Variants in SFI1 observed in about 807,000 individuals in gnomAD.
The protein encoded by SFI1 is SFI1 centrin binding protein.
In SFI1, 195 loss-of-function variants were observed where a neutral mutation model predicts 207.5. The ratio of observed to expected loss-of-function variants is 0.94; its 90% CI spans 0.84 to 1.06. The LOEUF (loss-of-function observed/expected upper bound fraction) is 1.06, where lower values mean the gene tolerates loss of function less well. SFI1 is among the 50% of genes least tolerant of loss of function. The pLI is 0.00. For synonymous variants in SFI1, 630 were observed against 598.9 expected, an observed-to-expected ratio of 1.05 and a Z score of -0.76; for missense variants, 1,634 against 1,588.0, an observed-to-expected ratio of 1.03 and a Z score of -0.49.
In SFI1 at chr22:31,578,412, A is replaced by G. The variant is rs2063743918; in HGVS notation, c.1115A>G (p.Gln372Arg). The G allele has an allele frequency of 2.5e-6, 4 of 1,613,730 alleles. No homozygotes were observed. The highest frequency in any genetic ancestry group is 3.4e-6 in the Non-Finnish European group (4 of 1,179,832). ...CTGCTGTGTGCAGAAGAAGCTGCCC[A>G]GTTTGAGATGGCAGAAGAGCACCAC... Reference protein sequence around the residue: ...YMLLCAEEAAQFEMAEEHHRH... With the variant: ...YMLLCAEEAARFEMAEEHHRH... The change falls in exon 11 of 33, where the codon CAG (glutamine) becomes CGG (arginine). Residue 372 changes from glutamine (Q) to arginine (R), a missense_variant. By Grantham distance (43) the Gln-to-Arg change is conservative (BLOSUM62 1). Coordinates refer to ENST00000400288, the MANE Select transcript of SFI1 (RefSeq NM_001007467.3).
chr22:31,567,873 T>TA (rs1231312680), intron 8 of SFI1, among the ~76,000 whole-genome samples: 1 of 152,190 alleles, frequency 6.6e-6, no homozygotes, highest in Non-Finnish European at 1.5e-5. Context: ...AACTTTAAAA[T>TA]ACAATATTTT....
intron 1 of SFI1, among the ~76,000 whole-genome samples, chr22:31,506,102 T>C (rs1366197192): frequency 1.0e-5 from 1 of 98,506 alleles, no homozygotes; most frequent in East Asian, 3.0e-4. Flanking sequence ...CAGGCTGCAG[T>C]GCAGTGGTGT....
intron 21 of SFI1, 51 bp downstream of exon 21, chr22:31,606,481 C>A: frequency 1.4e-6 from 2 of 1,479,604 alleles, no homozygotes; most frequent in Non-Finnish European, 1.9e-6. Context: ...GGACTGTGTT[C>A]TGGTGAGGGC....
At chr22:31,556,879 A>G in intron 6 of SFI1, 63 bp from the exon 7 acceptor site, 1 of 1,137,902 alleles carries the variant, frequency 8.8e-7, no homozygotes, top group Non-Finnish European at 1.3e-6. Context: ...TTGAGCTTTT[A>G]TCATAACCCA....
intron 15 of SFI1, among the ~76,000 whole-genome samples, chr22:31,593,734 C>T (rs1485461222): frequency 6.6e-6 from 1 of 150,460 alleles, no homozygotes; most frequent in South Asian, 2.1e-4. Context: ...GAGACTCCGT[C>T]TGCAATCCTG....
chr22:31,499,997 A>AAC (rs1555923976), intron 1 of SFI1, among the ~76,000 whole-genome samples: 2 of 150,350 alleles, frequency 1.3e-5, no homozygotes, highest in Non-Finnish European at 3.0e-5. Context: ...AAAAAAAAAA[A>AAC]AAAAAACATT....
intron 15 of SFI1, among the ~76,000 whole-genome samples, chr22:31,600,075 A>C (rs1315616581): frequency 2.0e-5 from 3 of 151,692 alleles, no homozygotes; most frequent in Non-Finnish European, 4.4e-5. Flanking sequence ...GATTGTAGAG[A>C]CGAGGTCTCA....
intron 1 of SFI1, among the ~76,000 whole-genome samples, chr22:31,499,229 G>T (rs2053294739): frequency 6.6e-6 from 1 of 151,858 alleles, no homozygotes; most frequent in Non-Finnish European, 1.5e-5. Flanking sequence ...TGAACTCCTG[G>T]TCTCAAGCAG....
chr22:31,569,947 C>G, intron 8 of SFI1, among the ~76,000 whole-genome samples: 1 of 131,300 alleles, frequency 7.6e-6, no homozygotes, highest in African/African-American at 2.9e-5. Context: ...GAACCTATCT[C>G]AAAAAAAAAA....
chr22:31,580,416 C>T (rs756386515), intron 12 of SFI1, 52 bp downstream of exon 12: 18 of 1,469,578 alleles, frequency 1.2e-5, no homozygotes, highest in Middle Eastern at 1.7e-4. Context: ...CATTCTCTCT[C>T]GCTCTTTTTT....
intron 26 of SFI1, 25 bp from the exon 27 acceptor site, chr22:31,613,577 G>A (rs1339422973): frequency 1.3e-6 from 2 of 1,577,212 alleles, no homozygotes; most frequent in East Asian, 2.3e-5. Flanking sequence ...GGTGTGGCAT[G>A]AGCTGACCAG....
chr22:31,609,787 G>T (rs1370282865), intron 22 of SFI1, among the ~76,000 whole-genome samples: 1 of 152,238 alleles, frequency 6.6e-6, no homozygotes, highest in Non-Finnish European at 1.5e-5. Flanking sequence ...GAAGCCGAGG[G>T]CTTTAGCCAG....
At chr22:31,559,046 A>T (rs1602685706) in intron 7 of SFI1, among the ~76,000 whole-genome samples, 1 of 151,700 alleles carries the variant, frequency 6.6e-6, no homozygotes, top group Admixed American at 6.6e-5. Context: ...ACCTCAGATG[A>T]TCCACCCGCC....
chr22:31,597,010 CGGTA>C (rs1569430036), intron 15 of SFI1, among the ~76,000 whole-genome samples: 1 of 142,156 alleles, frequency 7.0e-6, no homozygotes, highest in African/African-American at 2.6e-5. Flanking sequence ...CACGCACACA[CGGTA>C]CCCGTTTCTA....
chr22:31,547,058 A>C, intron 5 of SFI1, 87 bp downstream of exon 5: 1 of 994,018 alleles, frequency 1.0e-6, no homozygotes, highest in East Asian at 2.6e-5. Context: ...CAAAAGAAGC[A>C]AACTTTGGGT....
At chr22:31,517,113 G>A (rs955835276) in intron 2 of SFI1, among the ~76,000 whole-genome samples, 1 of 151,562 alleles carries the variant, frequency 6.6e-6, no homozygotes, top group Non-Finnish European at 1.5e-5. Context: ...CAGCCTGGGT[G>A]ACAGAGTGAG....
chr22:31,573,127 A>G lies in SFI1; in HGVS notation c.835A>G (p.Lys279Glu). 6.2e-7 allele frequency: 1 copy of G among 1,613,984 alleles called. No individual in the cohort carries two copies. The highest frequency in any genetic ancestry group is 8.5e-7 in the Non-Finnish European group (1 of 1,179,994). Residue 279 changes from lysine to glutamate, a missense_variant, in exon 9 of 33, where the codon AAA (lysine) becomes GAA (glutamate). Lys to Glu is a moderately conservative substitution (Grantham distance 56, BLOSUM62 1). Coordinates refer to ENST00000400288, the MANE Select transcript of SFI1 (RefSeq NM_001007467.3). ...KEKQKVVSAV[K>E]HHQHWQKRRF... Reference sequence around the variant, plus strand: ...GAAACAAAAGGTTGTCTCTGCAGTGAAACATCATCAGCACTGGCAAAAACG... The same window carrying G: ...GAAACAAAAGGTTGTCTCTGCAGTGGAACATCATCAGCACTGGCAAAAACG...
chr22:31,571,533 T>G (rs1235731720), intron 8 of SFI1, among the ~76,000 whole-genome samples: 1 of 151,572 alleles, frequency 6.6e-6, no homozygotes, highest in Non-Finnish European at 1.5e-5. Context: ...CAGGCTGGGC[T>G]CAAACTCCTG....
intron 6 of SFI1, among the ~76,000 whole-genome samples, chr22:31,556,625 C>T (rs1285997344): frequency 1.3e-5 from 2 of 152,126 alleles, no homozygotes; most frequent in African/African-American, 4.8e-5. Flanking sequence ...TTCTTTGCTG[C>T]CTGTTTATTC....
Sources: allele counts gnomAD v4.1 joint callset (sites outside exome capture counted in the v4.1 genomes callset), GRCh38; gene constraint gnomAD v4.1.1; transcripts MANE v1.5; gene names NCBI Gene and HGNC (gene_info 2026-07-23, HGNC 2026-07-21).